Variants in CAMK1G observed in about 807,000 individuals in gnomAD.
CAMK1G encodes the protein calcium/calmodulin-dependent protein kinase type 1G.
Under a neutral mutation model 54.8 loss-of-function variants are expected in CAMK1G, and 27 were observed. That is an observed-to-expected ratio of 0.49 (90% CI 0.36 to 0.68). The LOEUF (loss-of-function observed/expected upper bound fraction) is 0.68. Ranked by LOEUF, CAMK1G falls within the 30% of genes least tolerant of loss-of-function variation. The pLI, the probability that CAMK1G is intolerant of heterozygous loss-of-function variation, is 0.00. For missense variants in CAMK1G, 512 were observed against 591.0 expected (o/e 0.87, Z 1.39); for synonymous variants, 238 against 224.9 (o/e 1.06, Z -0.52).
chr1:209,592,046 G>A (rs1007092524), intron 1 of CAMK1G, among the ~76,000 whole-genome samples: 1 of 152,092 alleles, frequency 6.6e-6, no homozygotes, highest in African/African-American at 2.4e-5. Flanking sequence ...CACTGTCCAT[G>A]GTGTAAATAT....
chr1:209,596,586 G>A (rs1214159819), intron 2 of CAMK1G, among the ~76,000 whole-genome samples: 7 of 151,762 alleles, frequency 4.6e-5, no homozygotes, highest in East Asian at 1.9e-4. Flanking sequence ...TAAAATGAAC[G>A]TCAGTATACC....
chr1:209,594,863 G>C (rs1225724705), intron 1 of CAMK1G, 92 bp from the exon 2 acceptor site: 1 of 668,740 alleles, frequency 1.5e-6, no homozygotes, highest in Admixed American at 3.2e-5. Context: ...ATTACAGAAA[G>C]ATGTCAGTAT....
At chr1:209,600,162 T>A in intron 3 of CAMK1G, 51 bp downstream of exon 3, 1 of 1,588,414 alleles carries the variant, frequency 6.3e-7, no homozygotes, top group Non-Finnish European at 8.6e-7. Flanking sequence ...CAACATTTTC[T>A]TCACAAATTA....
In CAMK1G at chr1:209,610,042, T is replaced by C. The variant is rs57823603; in HGVS notation, c.827+113T>C. On this transcript the variant is annotated intron_variant, in intron 9 of 12. Coordinates refer to ENST00000361322, the MANE Select transcript of CAMK1G (RefSeq NM_020439.3). ...CTGCTTGTCCTGATCCATTTAATGA[T>C]GTGACAAGCAAGGACCATGCCATTG... The C allele has an allele frequency of 6.2e-3, 5,352 of 860,712 alleles. 175 individuals carry two copies. The African/African-American group carries it at 0.077, about 12-fold the overall frequency. 53.3% of individuals were successfully genotyped at this position (860,712 alleles called of 1,614,324 possible). A position where few individuals can be genotyped will look rare whatever the true frequency, so the allele number is the denominator to read the frequency against.
At chr1:209,594,879 C>G in intron 1 of CAMK1G, 76 bp from the exon 2 acceptor site, 1 of 791,766 alleles carries the variant, frequency 1.3e-6, no homozygotes. Flanking sequence ...AGTATTGCAG[C>G]CTGTTTTTAA....
At chr1:209,608,425 C>T (rs537615076) in intron 7 of CAMK1G, among the ~76,000 whole-genome samples, 182 of 152,282 alleles carry the variant, frequency 1.2e-3, no homozygotes, top group Non-Finnish European at 1.9e-3. Context: ...TCCTAACCTG[C>T]CCATCACCTC....
At chr1:209,585,405 C>T (rs1035532937) in intron 1 of CAMK1G, among the ~76,000 whole-genome samples, 1 of 152,132 alleles carries the variant, frequency 6.6e-6, no homozygotes, top group Admixed American at 6.5e-5. Flanking sequence ...GAGTGACATC[C>T]CAGCAACTGC....
chr1:209,592,787 G>C (rs1215012297), intron 1 of CAMK1G, among the ~76,000 whole-genome samples: 1 of 152,154 alleles, frequency 6.6e-6, no homozygotes, highest in Non-Finnish European at 1.5e-5. Flanking sequence ...CCTCTGCCAA[G>C]AGCCTCGCTT....
intron 1 of CAMK1G, among the ~76,000 whole-genome samples, chr1:209,586,854 A>G (rs571271893): frequency 6.6e-6 from 1 of 152,268 alleles, no homozygotes; most frequent in East Asian, 1.9e-4. Flanking sequence ...ATGAAGCCCT[A>G]GAGAATGATC....
Position 209,613,042 on chromosome 1 carries a change from G to C in CAMK1G, c.*40G>C, listed in dbSNP as rs1002499863. 5.2e-6 allele frequency: 3 copies of C among 580,690 alleles called. No individual in the cohort carries two copies. The highest frequency in any genetic ancestry group is 1.9e-5 in the African/African-American group (1 of 53,482). 36.0% of individuals were successfully genotyped at this position (580,690 alleles called of 1,614,324 possible). ...CTCTGAGCCCCTTTCTCTTGCAGGA[G>C]ACATATTCAACTCCTCTGCTCTTCC... is the stretch of plus-strand genomic sequence containing the variant. On this transcript the variant is annotated splice_region_variant and 3_prime_UTR_variant, in exon 13 of 13. Transcript: ENST00000361322.
intron 4 of CAMK1G, among the ~76,000 whole-genome samples, chr1:209,604,465 A>G (rs1665599431): frequency 6.6e-6 from 1 of 152,206 alleles, no homozygotes; most frequent in African/African-American, 2.4e-5. Context: ...CAAAGAGTGT[A>G]TTTCCTACAG....
chr1:209,598,527 G>C (rs1353192536), intron 2 of CAMK1G, among the ~76,000 whole-genome samples: 1 of 152,184 alleles, frequency 6.6e-6, no homozygotes, highest in African/African-American at 2.4e-5. Context: ...AGCTGCAGTG[G>C]AGTCTCTGTC....
chr1:209,613,803 C>G lies in CAMK1G; in HGVS notation c.*801C>G, dbSNP rs1411505799. 6.6e-6 allele frequency: 1 copy of G among 152,272 alleles called. No individual in the cohort carries two copies. The highest frequency in any genetic ancestry group is 1.5e-5 in the Non-Finnish European group (1 of 68,056). The allele number at this position is 152,272 out of a possible 1,614,324, so 9.4% of individuals were successfully genotyped here. On this transcript the variant is annotated 3_prime_UTR_variant, in exon 13 of 13. Coordinates refer to ENST00000361322, the MANE Select transcript of CAMK1G (RefSeq NM_020439.3). The stretch of plus-strand genomic sequence containing the variant: ...ACTATTTTAATGTCTGCCAGGAGTT[C>G]TAATCCTGCCTCTGTTCCCTTTTCT...
rs776812991 is a variant in CAMK1G, at chr1:209,607,953, G to A, written c.635+20G>A. On this transcript the variant is annotated intron_variant, in intron 7 of 12. Transcript: ENST00000361322. The stretch of plus-strand genomic sequence containing the variant: ...CATATTGTGAGTAGACGCTGGCCTG[G>A]GTTCAGCTGATGAGAAGTCTCGGAG... The A allele has an allele frequency of 5.0e-6, 8 of 1,593,092 alleles. No homozygotes were observed. The highest frequency in any genetic ancestry group is 6.9e-6 in the Non-Finnish European group (8 of 1,163,854).
At chr1:209,604,897 C>T (rs1331659170) in intron 4 of CAMK1G, among the ~76,000 whole-genome samples, 1 of 152,126 alleles carries the variant, frequency 6.6e-6, no homozygotes, top group Non-Finnish European at 1.5e-5. Flanking sequence ...AGAGTGTTCT[C>T]TGACACTTAT....
chr1:209,605,734 G>A (rs1210602165), intron 5 of CAMK1G, 60 bp downstream of exon 5: 10 of 1,530,280 alleles, frequency 6.5e-6, no homozygotes, highest in African/African-American at 1.4e-5. Flanking sequence ...AGCTGCATGG[G>A]TCATGGGACA....
At chr1:209,591,510 AC>A (rs1297737415) in intron 1 of CAMK1G, among the ~76,000 whole-genome samples, 1 of 152,214 alleles carries the variant, frequency 6.6e-6, no homozygotes, top group Non-Finnish European at 1.5e-5. Context: ...GGAATGGGGA[AC>A]TTTAAGTTTG....
intron 11 of CAMK1G, 32 bp from the exon 12 acceptor site, chr1:209,612,753 C>T (rs554011796): frequency 6.3e-7 from 1 of 1,597,148 alleles, no homozygotes; most frequent in African/African-American, 1.3e-5. Flanking sequence ...CCCTCAAATA[C>T]TTCAAAGGTT....
In CAMK1G at chr1:209,596,588, C is replaced by T. The variant is rs76207833; in HGVS notation, c.92+1513C>T. On this transcript the variant is annotated intron_variant, in intron 2 of 12. Coordinates refer to ENST00000361322, the MANE Select transcript of CAMK1G (RefSeq NM_020439.3). ...GGTGAAATAATGATAAAATGAACGT[C>T]AGTATACCCACCATCTAAATTCAAC... 4.2e-3 allele frequency among the ~76,000 whole-genome samples: 636 copies of T among 151,992 alleles called. 7 individuals carry two copies. The highest frequency in any genetic ancestry group is 0.014 in the African/African-American group (598 of 41,450).
Sources: gnomAD v4.1 joint callset for allele counts (sites outside exome capture counted in the v4.1 genomes callset) on GRCh38, gnomAD v4.1.1 for gene constraint, MANE v1.5 for transcripts, NCBI Gene and HGNC (gene_info 2026-07-23, HGNC 2026-07-21) for gene names.